SLC5A11: variants seen among roughly 807,000 people sequenced by gnomAD.
SLC5A11 encodes the protein solute carrier family 5 member 11, also known as sodium/myo-inositol cotransporter 2.
SLC5A11 carries 48 observed loss-of-function variants against 69.8 expected under a neutral mutation model. That is an observed-to-expected ratio of 0.69 (90% CI 0.55 to 0.87). SLC5A11 has a LOEUF of 0.87. Ranked by LOEUF, SLC5A11 falls within the 40% of genes least tolerant of loss-of-function variation. The probability of loss-of-function intolerance (pLI) is 0.00; values close to 1 mark genes in which losing one functional copy is unlikely to be tolerated. For synonymous variants in SLC5A11, 319 were observed against 342.4 expected (o/e 0.93, Z 0.75); for missense variants, 784 against 866.1 (o/e 0.91, Z 1.19).
At chr16:24,856,135 TC>T (rs2059518053) in intron 1 of SLC5A11, among the ~76,000 whole-genome samples, 1 of 152,186 alleles carries the variant, frequency 6.6e-6, no homozygotes, top group Admixed American at 6.5e-5. Context: ...TTTTTGGTTG[TC>T]ACAATAATTT....
At chr16:24,874,047 G>C (rs2047509835) in intron 5 of SLC5A11, among the ~76,000 whole-genome samples, 1 of 152,050 alleles carries the variant, frequency 6.6e-6, no homozygotes, top group Admixed American at 6.6e-5. Context: ...GGCTGTTCTT[G>C]AACTCCTGGC....
chr16:24,883,831 A>C (rs893879720), intron 7 of SLC5A11, among the ~76,000 whole-genome samples: 1 of 152,230 alleles, frequency 6.6e-6, no homozygotes, highest in Admixed American at 6.5e-5. Flanking sequence ...AGCCCATGTG[A>C]GAAGCGGAGA....
At chr16:24,889,193 A>G (rs1257881805) in intron 8 of SLC5A11, among the ~76,000 whole-genome samples, 1 of 152,208 alleles carries the variant, frequency 6.6e-6, no homozygotes, top group Non-Finnish European at 1.5e-5. Context: ...GAAAAGAAAC[A>G]AAATATAAGC....
chr16:24,887,925 T>C lies in SLC5A11; in HGVS notation c.665-2944T>C, dbSNP rs544087289. ...TTCATAATAAAGAGATAATCTTTGCTTATTAAATAACATTGCAACAAGATA... is the reference window on the plus strand; with the variant it reads ...TTCATAATAAAGAGATAATCTTTGCCTATTAAATAACATTGCAACAAGATA... On this transcript the variant is annotated intron_variant, in intron 8 of 15. Transcript: ENST00000347898. Among the ~76,000 whole-genome samples, 279 of 152,254 alleles carry C rather than the reference T, an allele frequency of 1.8e-3. 1 individual carries two copies. Among genetic ancestry groups the C allele is most frequent in the Middle Eastern group, 0.01 (3 of 294 alleles).
At chr16:24,874,723 G>A (rs766138408) in intron 5 of SLC5A11, among the ~76,000 whole-genome samples, 1 of 151,904 alleles carries the variant, frequency 6.6e-6, no homozygotes, top group Admixed American at 6.6e-5. Context: ...CCAGTAGCTG[G>A]GACTACAGCC....
chr16:24,869,776 C>T, intron 3 of SLC5A11, 125 bp from the exon 5 acceptor site: 1 of 643,870 alleles, frequency 1.6e-6, no homozygotes, highest in Non-Finnish European at 2.8e-6. Context: ...GCCAGATAGG[C>T]TAGGGGTGGC....
At chr16:24,869,524 G>C (rs565844609) in intron 3 of SLC5A11, among the ~76,000 whole-genome samples, 2 of 152,094 alleles carry the variant, frequency 1.3e-5, no homozygotes, top group Non-Finnish European at 2.9e-5. Context: ...AGTAACACAG[G>C]CTTCCTGATT....
rs770672372 is a variant in SLC5A11, at chr16:24,858,705, A to G, written c.62A>G (p.Gln21Arg). ...TTAGATCCCCTGGATGCGTTTCCCC[A>G]GAAGGGCTTGGAGCCTGGGGACATC... The change falls in exon 2 of 16, where the codon CAG (glutamine) becomes CGG (arginine). Residue 21 changes from glutamine (Q) to arginine (R), a missense_variant. Physicochemically the swap from Gln to Arg is conservative, Grantham distance 43. This residue lies in a region of SLC5A11 where 133 missense variants were observed against 107.4 expected (regional missense o/e 1.24). Coordinates refer to ENST00000347898, the Ensembl canonical transcript of SLC5A11. 3.7e-6 allele frequency: 6 copies of G among 1,611,884 alleles called. No individual in the cohort carries two copies. In the Admixed American group the frequency reaches 1.0e-4, roughly 27 times the overall value.
chr16:24,904,763 T>C (rs1333094113), intron 10 of SLC5A11, among the ~76,000 whole-genome samples: 4 of 152,224 alleles, frequency 2.6e-5, no homozygotes, highest in Non-Finnish European at 5.9e-5. Flanking sequence ...ATCTGAGAAA[T>C]GGCACATATT....
intron 9 of SLC5A11, among the ~76,000 whole-genome samples, chr16:24,895,102 G>C (rs1256340281): frequency 6.6e-6 from 1 of 151,598 alleles, no homozygotes; most frequent in Non-Finnish European, 1.5e-5. Flanking sequence ...TCCAATCTGG[G>C]TGATAGAGTG....
chr16:24,907,872 C>T (rs2050189161), intron 12 of SLC5A11, 91 bp from the exon 14 acceptor site: 1 of 1,547,878 alleles, frequency 6.5e-7, no homozygotes, highest in South Asian at 1.2e-5. Context: ...GGCAACAGAA[C>T]AAGACCCTGT....
chr16:24,870,025 C>T lies in SLC5A11; in HGVS notation c.312+20C>T, dbSNP rs143305202. ...CTTAATGTAAGTATTTTACCTAGGG[C>T]ATAGATGACATCTTACCTCTACCTA... On this transcript the variant is annotated intron_variant, in intron 4 of 15. Coordinates refer to ENST00000347898, the Ensembl canonical transcript of SLC5A11. 7.0e-4 allele frequency: 1,062 copies of T among 1,512,444 alleles called. 10 individuals are homozygous for T. The African/African-American group carries it at 0.014, about 19-fold the overall frequency. The allele number at this position is 1,512,444 out of a possible 1,614,324, so 93.7% of individuals were successfully genotyped here.
intron 10 of SLC5A11, among the ~76,000 whole-genome samples, chr16:24,902,919 A>G (rs559951309): frequency 6.6e-6 from 1 of 152,362 alleles, no homozygotes; most frequent in Admixed American, 6.5e-5. Flanking sequence ...TCTCATACTC[A>G]TGGAAAAATA....
exon 7 of SLC5A11, chr16:24,877,287 C>T (rs1464225819): frequency 9.9e-6 from 16 of 1,613,970 alleles, no homozygotes; most frequent in Non-Finnish European, 1.1e-5. Context: ...CCATCTTCAT[C>T]CAGCAGTCTT....
At chr16:24,905,095 C>T (rs916869631) in intron 10 of SLC5A11, among the ~76,000 whole-genome samples, 2 of 151,526 alleles carry the variant, frequency 1.3e-5, no homozygotes, top group Non-Finnish European at 2.9e-5. Context: ...CAGCTTCATC[C>T]ATGAGAAATG....
chr16:24,893,263 G>A (rs889319752), intron 9 of SLC5A11, among the ~76,000 whole-genome samples: 4 of 150,638 alleles, frequency 2.7e-5, no homozygotes, highest in Non-Finnish European at 5.9e-5. Flanking sequence ...ACTCCAGCCT[G>A]GGCAGCAAAG....
intron 3 of SLC5A11, among the ~76,000 whole-genome samples, chr16:24,864,927 A>AAGAT (rs60438352): frequency 0.015 from 2,225 of 152,192 alleles, 64 homozygotes; most frequent in African/African-American, 0.051. Context: ...TGTGAAATTG[A>AAGAT]AGATAGATTA....
intron 9 of SLC5A11, among the ~76,000 whole-genome samples, chr16:24,895,382 G>A (rs1363219054): frequency 6.6e-6 from 1 of 151,876 alleles, no homozygotes; most frequent in African/African-American, 2.4e-5. Flanking sequence ...CCAGCTACTT[G>A]GGAGGCTGAG....
At chr16:24,893,345 T>C (rs1033923658) in intron 9 of SLC5A11, among the ~76,000 whole-genome samples, 3 of 151,464 alleles carry the variant, frequency 2.0e-5, no homozygotes, top group African/African-American at 4.9e-5. Context: ...ATGCCTGTAA[T>C]TCCAGCCTGG....
Sources: allele counts gnomAD v4.1 joint callset (sites outside exome capture counted in the v4.1 genomes callset), GRCh38; gene constraint gnomAD v4.1.1; regional missense constraint gnomAD v4.1.1; transcripts MANE v1.5; gene names NCBI Gene and HGNC (gene_info 2026-07-23, HGNC 2026-07-21).